The following ADAM9 variants were observed in gnomAD, a reference collection of about 807,000 sequenced individuals.
ADAM9 encodes disintegrin and metalloproteinase domain-containing protein 9.
ADAM9 carries 54 observed loss-of-function variants against 108.1 expected under a neutral mutation model. The observed-to-expected ratio is 0.50, with a 90% confidence interval of 0.40 to 0.63. ADAM9 has a LOEUF of 0.63. Among genes scored for constraint, ADAM9 ranks in the 20% least tolerant of loss-of-function variants. The probability of loss-of-function intolerance (pLI) is 0.00; values close to 1 mark genes in which losing one functional copy is unlikely to be tolerated. For missense variants in ADAM9, 830 were observed against 997.7 expected (o/e 0.83, Z 2.26); for synonymous variants, 316 against 336.0 (o/e 0.94, Z 0.65).
chr8:39,054,601 G>GAAAA, intron 13 of ADAM9, 28 bp downstream of exon 13: 2 of 752,308 alleles, frequency 2.7e-6, no homozygotes, highest in Admixed American at 4.0e-5. Context: ...TTTGGAAACA[G>GAAAA]GAAAAAAAAA....
At chr8:39,018,682 G>A in intron 6 of ADAM9, 171 bp from the exon 7 acceptor site, 1 of 657,190 alleles carries the variant, frequency 1.5e-6, no homozygotes. Flanking sequence ...TCATCACTAA[G>A]AAGCAGATAA....
rs533458550 is a variant in ADAM9, at chr8:39,056,208, TTA to T, written c.1591+438_1591+439del. ...TAGATATTTGGGATTTTTAAAAAATTTATGTATTTTTTCTTTTAAAAGTTCTT... is the reference window on the plus strand; with the variant it reads ...TAGATATTTGGGATTTTTAAAAAATTTGTATTTTTTCTTTTAAAAGTTCTT... On this transcript the variant is annotated intron_variant, in intron 14 of 21. Transcript: ENST00000487273. Among the ~76,000 whole-genome samples the T allele has an allele frequency of 1.6e-4, 25 of 152,204 alleles. 1 individual carries two copies. Among genetic ancestry groups the T allele is most frequent in the South Asian group, 8.3e-4 (4 of 4,832 alleles).
chr8:39,098,267 T>TA lies in ADAM9; in HGVS notation c.2299-3589dup, dbSNP rs573908143. ...AGACTATTTGGTGTAGATGTGGACT[T>TA]AAAAAAACTCCTTTGCCAGTAAATA... On this transcript the variant is annotated intron_variant, in intron 20 of 21. Coordinates refer to ENST00000487273, the MANE Select transcript of ADAM9 (RefSeq NM_003816.3). Among the ~76,000 whole-genome samples, 256 of 152,242 alleles carry TA rather than the reference T, an allele frequency of 1.7e-3. 1 individual carries two copies. Among genetic ancestry groups the TA allele is most frequent in the African/African-American group, 5.7e-3 (239 of 41,568 alleles).
Position 39,045,100 on chromosome 8 carries a change from GTGTGCATACATACA to G in ADAM9, c.1302+2985_1302+2998del, listed in dbSNP as rs1564297307. 4.8e-4 allele frequency among the ~76,000 whole-genome samples: 11 copies of G among 22,752 alleles called. 1 individual carries two copies. Among genetic ancestry groups the G allele is most frequent in the East Asian group, 6.8e-3 (2 of 292 alleles). 14.9% of individuals were successfully genotyped at this position (22,752 alleles called of 152,430 possible). On this transcript the variant is annotated intron_variant, in intron 12 of 21. Coordinates refer to ENST00000487273, the MANE Select transcript of ADAM9 (RefSeq NM_003816.3). ...TGTGTGTGCATACATACATATGTGTGTGTGCATACATACATATGTGTGTGTGCATACATACATAT... is the reference window on the plus strand; with the variant it reads ...TGTGTGTGCATACATACATATGTGTGTATGTGTGTGTGCATACATACATAT...
chr8:39,023,212 T>C lies in ADAM9; in HGVS notation c.801T>C (p.Asn267=). The C allele has an allele frequency of 6.2e-7, 1 of 1,613,882 alleles. No individual in the cohort carries two copies. The highest frequency in any genetic ancestry group is 8.5e-7 in the Non-Finnish European group (1 of 1,179,914). ...IVLVGLEIWT[N]GNLINIVGGA... ...TAGTTGGACTGGAGATTTGGACCAA[T>C]GGAAACCTGATCAACATAGTTGGGG... Residue 267 remains asparagine, a synonymous_variant, in exon 9 of 22, where the codon AAT becomes AAC. Coordinates refer to ENST00000487273, the MANE Select transcript of ADAM9 (RefSeq NM_003816.3).
chr8:39,030,416 T>C (rs1837060672), intron 11 of ADAM9, among the ~76,000 whole-genome samples: 1 of 152,236 alleles, frequency 6.6e-6, no homozygotes, highest in Non-Finnish European at 1.5e-5. Context: ...CTCATGTCTT[T>C]TCATGTCTTG....
At position 38,998,855 on chromosome 8, in the gene ADAM9, G is replaced by A. The variant is rs557546054; in HGVS notation, c.97+1695G>A. Among the ~76,000 whole-genome samples, 23 of 152,244 alleles carry A rather than the reference G, an allele frequency of 1.5e-4. No individual in the cohort carries two copies. In the South Asian group the frequency reaches 3.7e-3, roughly 25 times the overall value. On this transcript the variant is annotated intron_variant, in intron 1 of 21. Transcript: ENST00000487273. ...CAGACTATAAAAGGGAGGGATGGAA[G>A]ATCAAACTAAGGTAGGTTGTTACCA... is the stretch of plus-strand genomic sequence containing the variant.
chr8:39,037,997 A>G (rs1282783572), intron 11 of ADAM9, among the ~76,000 whole-genome samples: 6 of 152,128 alleles, frequency 3.9e-5, no homozygotes, highest in Admixed American at 3.9e-4. Flanking sequence ...ACAACCTGGG[A>G]GTCATTCTTG....
intron 1 of ADAM9, 114 bp from the exon 2 acceptor site, chr8:39,007,772 A>G: frequency 1.4e-6 from 1 of 731,118 alleles, no homozygotes; most frequent in South Asian, 1.6e-5. Context: ...ATATTGTAAT[A>G]TGGGAATGTC....
At chr8:39,080,940 C>A (rs1009963945) in intron 16 of ADAM9, among the ~76,000 whole-genome samples, 7 of 141,188 alleles carry the variant, frequency 5.0e-5, no homozygotes, top group African/African-American at 1.9e-4. Flanking sequence ...TACCTTCCCA[C>A]TGTGAGAGTT....
intron 1 of ADAM9, among the ~76,000 whole-genome samples, chr8:38,997,414 C>G (rs1351725740): frequency 1.3e-5 from 2 of 152,162 alleles, no homozygotes; most frequent in African/African-American, 4.8e-5. Context: ...GAGCCGTTCC[C>G]AGCGTCCCCC....
intron 13 of ADAM9, 30 bp downstream of exon 13, chr8:39,054,603 A>T: frequency 4.3e-4 from 119 of 275,454 alleles, no homozygotes; most frequent in Non-Finnish European, 5.3e-4. Context: ...TGGAAACAGG[A>T]AAAAAAAAAA....
In ADAM9 at chr8:39,082,623, C is replaced by G. The variant is rs756491235; in HGVS notation, c.1882-18C>G. 2 of 1,484,164 alleles carry G rather than the reference C, an allele frequency of 1.3e-6. No individual in the cohort carries two copies. Among genetic ancestry groups the G allele is most frequent in the Non-Finnish European group, 1.9e-6 (2 of 1,068,510 alleles). 91.9% of individuals were successfully genotyped at this position (1,484,164 alleles called of 1,614,324 possible). A position where few individuals can be genotyped will look rare whatever the true frequency, so the allele number is the denominator to read the frequency against. On this transcript the variant is annotated intron_variant, in intron 16 of 21. Transcript: ENST00000487273. Reference sequence around the variant, plus strand: ...GTGCTCAATCTTTCTTTACTTAGTTCATTTTTTTTTTTTTCAGATCTGTAG... The same window carrying G: ...GTGCTCAATCTTTCTTTACTTAGTTGATTTTTTTTTTTTTCAGATCTGTAG...
Position 39,082,698 on chromosome 8 carries a change from C to A in ADAM9, c.1939C>A (p.Gln647Lys). ...ASVLNYDCDV[Q>K]KKCHGHGVCN... Reference sequence around the variant, plus strand: ...TGTTCTGAATTATGACTGTGATGTTCAGAAAAAGTGTCATGGACATGGGGT... The same window carrying A: ...TGTTCTGAATTATGACTGTGATGTTAAGAAAAAGTGTCATGGACATGGGGT... Residue 647 changes from glutamine to lysine, a missense_variant, in exon 17 of 22, where the codon CAG becomes AAG. This residue lies in a region of ADAM9 where 238 missense variants were observed against 235.7 expected (regional missense o/e 1.01). Transcript: ENST00000487273. The A allele has an allele frequency of 6.2e-7, 1 of 1,611,778 alleles. No individual in the cohort carries two copies. The highest frequency in any genetic ancestry group is 1.1e-5 in the South Asian group (1 of 90,992).
At chr8:39,054,441 A>G (rs374186596) in intron 12 of ADAM9, 40 bp from the exon 13 acceptor site, 44 of 1,543,502 alleles carry the variant, frequency 2.9e-5, no homozygotes, top group Non-Finnish European at 3.8e-5. Flanking sequence ...ATTCATGTCA[A>G]TTACTAATTT....
chr8:38,999,372 A>G (rs962954076), intron 1 of ADAM9, among the ~76,000 whole-genome samples: 2 of 151,984 alleles, frequency 1.3e-5, no homozygotes, highest in Non-Finnish European at 2.9e-5. Context: ...GTGTCATTGT[A>G]AAAAATAAGC....
intron 20 of ADAM9, among the ~76,000 whole-genome samples, chr8:39,098,961 A>C (rs1839596135): frequency 6.6e-6 from 1 of 151,934 alleles, no homozygotes; most frequent in Admixed American, 6.6e-5. Context: ...TTGTTGATAT[A>C]TATATATTTT....
At chr8:39,020,313 T>C (rs1052495792) in intron 7 of ADAM9, among the ~76,000 whole-genome samples, 2 of 152,160 alleles carry the variant, frequency 1.3e-5, no homozygotes, top group Non-Finnish European at 2.9e-5. Flanking sequence ...TCTCCAGATG[T>C]ATTTGTTATA....
intron 12 of ADAM9, among the ~76,000 whole-genome samples, chr8:39,043,134 G>A (rs947056418): frequency 5.3e-5 from 8 of 152,062 alleles, no homozygotes; most frequent in African/African-American, 1.7e-4. Context: ...TTGTATGTGT[G>A]TATATGTATG....
Sources: allele counts gnomAD v4.1 joint callset (sites outside exome capture counted in the v4.1 genomes callset), GRCh38; gene constraint gnomAD v4.1.1; regional missense constraint gnomAD v4.1.1; transcripts MANE v1.5; gene names NCBI Gene and HGNC (gene_info 2026-07-23, HGNC 2026-07-21).